Variants in CDH13 observed in about 807,000 individuals in gnomAD.
The protein encoded by CDH13 is cadherin-13.
CDH13 carries 24 observed loss-of-function variants against 63.8 expected under a neutral mutation model. The observed-to-expected ratio is 0.38, with a 90% CI of 0.27 to 0.53. CDH13 has a LOEUF of 0.53. Among genes scored for constraint, CDH13 ranks in the 20% least tolerant of loss-of-function variants. The probability of loss-of-function intolerance (pLI) is 0.85; values close to 1 mark genes in which losing one functional copy is unlikely to be tolerated. For synonymous variants in CDH13, 503 were observed against 355.3 expected, an observed-to-expected ratio of 1.42 and a Z score of -4.67; for missense variants, 1,049 against 903.1, an observed-to-expected ratio of 1.16 and a Z score of -2.07.
intron 7 of CDH13, among the ~76,000 whole-genome samples, chr16:83,518,992 T>C (rs1290608682): frequency 6.6e-6 from 1 of 152,220 alleles, no homozygotes; most frequent in East Asian, 1.9e-4. Flanking sequence ...TATACCAGAC[T>C]CTACAGTTTG....
intron 6 of CDH13, among the ~76,000 whole-genome samples, chr16:83,405,963 T>G (rs897098869): frequency 6.6e-6 from 1 of 152,240 alleles, no homozygotes; most frequent in Non-Finnish European, 1.5e-5. Flanking sequence ...TTGAGCCACA[T>G]GCCCTCAGCC....
At chr16:83,684,445 C>T (rs1904283694) in intron 10 of CDH13, among the ~76,000 whole-genome samples, 1 of 152,116 alleles carries the variant, frequency 6.6e-6, no homozygotes, top group Non-Finnish European at 1.5e-5. Flanking sequence ...CCTTCTCCTA[C>T]AGTGAAATGA....
chr16:82,796,334 C>T (rs1279543362), intron 1 of CDH13, among the ~76,000 whole-genome samples: 2 of 152,314 alleles, frequency 1.3e-5, no homozygotes, highest in African/African-American at 2.4e-5. Context: ...CAATCTCGCT[C>T]TTCTCTTCCA....
intron 2 of CDH13, among the ~76,000 whole-genome samples, chr16:83,007,593 G>A (rs1204798270): frequency 6.6e-6 from 1 of 152,124 alleles, no homozygotes; most frequent in African/African-American, 2.4e-5. Flanking sequence ...ACTTTGGGAG[G>A]CTGGGGCAGG....
At chr16:83,013,283 G>A (rs1044972637) in intron 2 of CDH13, among the ~76,000 whole-genome samples, 8 of 152,274 alleles carry the variant, frequency 5.3e-5, no homozygotes, top group South Asian at 4.1e-4. Context: ...GTAGTGGGCC[G>A]GATTTGACAT....
intron 1 of CDH13, among the ~76,000 whole-genome samples, chr16:82,767,510 G>A (rs993661128): frequency 1.3e-5 from 2 of 152,190 alleles, no homozygotes; most frequent in African/African-American, 4.8e-5. Context: ...TTTTGTGTTT[G>A]TAGAAGTCTA....
chr16:83,683,658 G>A (rs1403542554), intron 10 of CDH13, among the ~76,000 whole-genome samples: 2 of 152,112 alleles, frequency 1.3e-5, no homozygotes, highest in African/African-American at 4.8e-5. Flanking sequence ...CTTGTTTGCA[G>A]TTTTTTAAAA....
chr16:83,756,622 C>A (rs897774431), intron 11 of CDH13, among the ~76,000 whole-genome samples: 1 of 152,166 alleles, frequency 6.6e-6, no homozygotes, highest in East Asian at 1.9e-4. Flanking sequence ...CAAGACAATT[C>A]TTCTTCCAAT....
At chr16:83,244,665 G>C (rs1221775646) in intron 5 of CDH13, among the ~76,000 whole-genome samples, 1 of 152,082 alleles carries the variant, frequency 6.6e-6, no homozygotes, top group Non-Finnish European at 1.5e-5. Context: ...TTGTTGCTAA[G>C]GTTTGTTACA....
At chr16:83,624,136 T>C (rs2150782274) in intron 8 of CDH13, among the ~76,000 whole-genome samples, 1 of 152,236 alleles carries the variant, frequency 6.6e-6, no homozygotes, top group East Asian at 1.9e-4. Context: ...TCTCTCTATG[T>C]TGGCTTTATT....
intron 6 of CDH13, among the ~76,000 whole-genome samples, chr16:83,471,868 T>C (rs1054876179): frequency 9.2e-5 from 14 of 152,190 alleles, no homozygotes; most frequent in African/African-American, 3.1e-4. Flanking sequence ...GGGATATTGT[T>C]GAGGCTTAAT....
At chr16:83,698,630 T>G (rs988026540) in intron 10 of CDH13, among the ~76,000 whole-genome samples, 1 of 152,240 alleles carries the variant, frequency 6.6e-6, no homozygotes, top group Admixed American at 6.5e-5. Flanking sequence ...AGGAGGATGC[T>G]TAGCCCTAAC....
chr16:83,303,478 G>T (rs1185701415), intron 5 of CDH13, among the ~76,000 whole-genome samples: 1 of 152,168 alleles, frequency 6.6e-6, no homozygotes, highest in African/African-American at 2.4e-5. Flanking sequence ...TTCTCTTTGG[G>T]AATTGAACAG....
At chr16:83,482,841 G>C (rs1451867759) in intron 6 of CDH13, among the ~76,000 whole-genome samples, 1 of 152,208 alleles carries the variant, frequency 6.6e-6, no homozygotes, top group African/African-American at 2.4e-5. Context: ...AAGGGACCCG[G>C]TGAGAGAGAG....
At chr16:82,718,138 G>C (rs148696109) in intron 1 of CDH13, among the ~76,000 whole-genome samples, 161 of 152,310 alleles carry the variant, frequency 1.1e-3, no homozygotes, top group Middle Eastern at 0.01. Context: ...CCAGTGATGG[G>C]AGTTGCTTTC....
intron 9 of CDH13, 36 bp downstream of exon 9, chr16:83,671,008 C>A: frequency 6.6e-6 from 10 of 1,521,278 alleles, no homozygotes; most frequent in Non-Finnish European, 8.9e-6. Context: ...TCTCCTCATG[C>A]GAGCACGGAG....
chr16:83,056,895 T>G (rs2031001964), intron 3 of CDH13, among the ~76,000 whole-genome samples: 1 of 152,190 alleles, frequency 6.6e-6, no homozygotes. Context: ...ATCCTTCACC[T>G]TCTGCCATGA....
chr16:83,654,423 G>A (rs1292183529), intron 8 of CDH13, among the ~76,000 whole-genome samples: 1 of 151,958 alleles, frequency 6.6e-6, no homozygotes, highest in East Asian at 2.0e-4. Context: ...GGCAGGTCAG[G>A]AGACCAGGAT....
At chr16:83,704,515 C>T (rs567319004) in intron 10 of CDH13, among the ~76,000 whole-genome samples, 57 of 152,280 alleles carry the variant, frequency 3.7e-4, no homozygotes, top group African/African-American at 1.3e-3. Context: ...AGAGCAGGCA[C>T]CACTCCCATA....
Sources: gnomAD v4.1 joint callset for allele counts (sites outside exome capture counted in the v4.1 genomes callset) on GRCh38, gnomAD v4.1.1 for gene constraint, MANE v1.5 for transcripts, NCBI Gene and HGNC (gene_info 2026-07-23, HGNC 2026-07-21) for gene names.